Variants in SERINC5 observed in about 807,000 individuals in gnomAD.
SERINC5 encodes serine incorporator 5, also known as chromosome 5 open reading frame 12.
In SERINC5, 41 loss-of-function variants were observed where a neutral mutation model predicts 63.1. The ratio of observed to expected loss-of-function variants is 0.65; its 90% CI spans 0.51 to 0.84. SERINC5 has a LOEUF of 0.84. Among genes scored for constraint, SERINC5 ranks in the 40% least tolerant of loss-of-function variants. The pLI is 0.00. For synonymous variants in SERINC5, 222 were observed against 215.2 expected (o/e 1.03, Z -0.28); for missense variants, 523 against 573.0 (o/e 0.91, Z 0.89).
chr5:80,249,181 GAT>G (rs1752289156), intron 1 of SERINC5, among the ~76,000 whole-genome samples: 1 of 152,158 alleles, frequency 6.6e-6, no homozygotes, highest in Non-Finnish European at 1.5e-5. Flanking sequence ...CGGGCGTGGT[GAT>G]GGGTGCCTGT....
At position 80,140,004 on chromosome 5, in the gene SERINC5, G is replaced by C. The variant is rs1471297948; in HGVS notation, c.*3659C>G. ...CGCAGGAAGGTGAAGCACCAATGAT[G>C]GCAAAAATTAAATAAATACATCATC... On this transcript the variant is annotated 3_prime_UTR_variant, in exon 12 of 12. Coordinates refer to ENST00000507668, the MANE Select transcript of SERINC5 (RefSeq NM_001174072.3). 1.0e-6 allele frequency: 1 copy of C among 985,156 alleles called. No homozygotes were observed. The highest frequency in any genetic ancestry group is 1.2e-6 in the Non-Finnish European group (1 of 829,924). 61.0% of individuals were successfully genotyped at this position (985,156 alleles called of 1,614,324 possible).
At chr5:80,241,075 C>G (rs928529085) in intron 1 of SERINC5, among the ~76,000 whole-genome samples, 1 of 152,174 alleles carries the variant, frequency 6.6e-6, no homozygotes, top group Non-Finnish European at 1.5e-5. Flanking sequence ...GTAAATTGAT[C>G]TGCCTACCTA....
intron 2 of SERINC5, among the ~76,000 whole-genome samples, chr5:80,188,437 A>C (rs114863914): frequency 6.6e-6 from 1 of 152,274 alleles, no homozygotes; most frequent in Admixed American, 6.5e-5. Context: ...TCAATGCCTC[A>C]ATTCTAACTT....
chr5:80,162,433 G>C lies in SERINC5; in HGVS notation c.860-3471C>G, dbSNP rs186327012. 9.3e-4 allele frequency among the ~76,000 whole-genome samples: 141 copies of C among 152,184 alleles called. 1 individual carries two copies. The Middle Eastern group carries it at 0.01, about 11-fold the overall frequency. Reference sequence around the variant, plus strand: ...CTTTCACCCAGTCTGGAGTACAGTGGCCTGATCATAGCTCACCATAACCTC... The same window carrying C: ...CTTTCACCCAGTCTGGAGTACAGTGCCCTGATCATAGCTCACCATAACCTC... On this transcript the variant is annotated intron_variant, in intron 7 of 11. Coordinates refer to ENST00000507668, the MANE Select transcript of SERINC5 (RefSeq NM_001174072.3).
rs888116478 is a variant in SERINC5 at position 80,138,731 on chromosome 5, A to T, written c.*4932T>A. 36 of 773,766 alleles carry T rather than the reference A, an allele frequency of 4.7e-5. No individual in the cohort carries two copies. The highest frequency in any genetic ancestry group is 5.5e-5 in the Non-Finnish European group (35 of 636,918). 47.9% of individuals were successfully genotyped at this position (773,766 alleles called of 1,614,324 possible). ...TACATATTTCAAAACATCATGTTGC[A>T]CACCACAGATATATATCTTTTATTT... On this transcript the variant is annotated 3_prime_UTR_variant, in exon 12 of 12. Coordinates refer to ENST00000507668, the MANE Select transcript of SERINC5 (RefSeq NM_001174072.3).
intron 1 of SERINC5, among the ~76,000 whole-genome samples, chr5:80,219,026 T>C (rs1258051394): frequency 6.6e-6 from 1 of 152,216 alleles, no homozygotes; most frequent in Non-Finnish European, 1.5e-5. Flanking sequence ...TAAAAGATGA[T>C]TATTTCAAGT....
chr5:80,142,029 G>A lies in SERINC5; in HGVS notation c.*1634C>T, dbSNP rs71636204. Reference sequence around the variant, plus strand: ...TTTTGGCACACAGAAGCCCAGCTTAGGTGGCACTCAATTCTGCCCAACTCA... The same window carrying A: ...TTTTGGCACACAGAAGCCCAGCTTAAGTGGCACTCAATTCTGCCCAACTCA... On this transcript the variant is annotated 3_prime_UTR_variant, in exon 12 of 12. Coordinates refer to ENST00000507668, the MANE Select transcript of SERINC5 (RefSeq NM_001174072.3). The A allele has an allele frequency of 1.2e-4, 118 of 985,288 alleles. No homozygotes were observed. Among genetic ancestry groups the A allele is most frequent in the Non-Finnish European group, 1.4e-4 (115 of 829,940 alleles). 61.0% of individuals were successfully genotyped at this position (985,288 alleles called of 1,614,324 possible). A position where few individuals can be genotyped will look rare whatever the true frequency, so the allele number is the denominator to read the frequency against.
chr5:80,181,159 C>G (rs916145456), intron 2 of SERINC5, among the ~76,000 whole-genome samples: 3 of 152,118 alleles, frequency 2.0e-5, no homozygotes, highest in Non-Finnish European at 4.4e-5. Context: ...GACTGTCTCT[C>G]CAGTCTTAAG....
intron 7 of SERINC5, among the ~76,000 whole-genome samples, chr5:80,161,860 A>C (rs760789246): frequency 5.3e-5 from 8 of 151,862 alleles, no homozygotes; most frequent in Non-Finnish European, 5.9e-5. Context: ...TCTTTAATCC[A>C]CCTTTTGTTG....
intron 8 of SERINC5, among the ~76,000 whole-genome samples, chr5:80,153,155 A>T (rs1199408973): frequency 6.6e-6 from 1 of 152,024 alleles, no homozygotes; most frequent in East Asian, 1.9e-4. Context: ...ATGTTACCCT[A>T]CATTAAGATC....
intron 11 of SERINC5, among the ~76,000 whole-genome samples, chr5:80,128,607 C>A (rs1223047709): frequency 1.3e-5 from 2 of 152,142 alleles, no homozygotes; most frequent in Non-Finnish European, 2.9e-5. Context: ...GAGGGGAGAT[C>A]TGGCAGTTTC....
At chr5:80,159,674 C>T (rs530640401) in intron 7 of SERINC5, among the ~76,000 whole-genome samples, 1 of 152,180 alleles carries the variant, frequency 6.6e-6, no homozygotes, top group South Asian at 2.1e-4. Flanking sequence ...TCTCCAAACT[C>T]CAGGAATGGG....
chr5:80,251,332 A>G (rs1439938339), intron 1 of SERINC5, among the ~76,000 whole-genome samples: 1 of 139,046 alleles, frequency 7.2e-6, no homozygotes, highest in Non-Finnish European at 1.6e-5. Flanking sequence ...ACATACATAC[A>G]TACATGGGTT....
chr5:80,151,224 C>T (rs1746161585), intron 8 of SERINC5, among the ~76,000 whole-genome samples: 1 of 152,160 alleles, frequency 6.6e-6, no homozygotes. Context: ...TTCAGTATTG[C>T]TTTTTGCCTC....
At chr5:80,151,763 G>A (rs1055610119) in intron 8 of SERINC5, among the ~76,000 whole-genome samples, 5 of 152,178 alleles carry the variant, frequency 3.3e-5, no homozygotes, top group East Asian at 1.9e-4. Flanking sequence ...TGTCAGGCCC[G>A]ATTCTAAGCA....
intron 4 of SERINC5, among the ~76,000 whole-genome samples, chr5:80,175,885 AG>A (rs199743299): frequency 0.14 from 11,184 of 80,464 alleles, 1,321 homozygotes; most frequent in South Asian, 0.18. Context: ...AAAAAAAAAA[AG>A]GACTGAGCTT....
intron 7 of SERINC5, among the ~76,000 whole-genome samples, chr5:80,160,687 T>TCCATCC (rs1050482146): frequency 6.6e-6 from 1 of 152,064 alleles, no homozygotes; most frequent in African/African-American, 2.4e-5. Context: ...TTTCTCACCA[T>TCCATCC]CCATCCCCTC....
intron 2 of SERINC5, among the ~76,000 whole-genome samples, chr5:80,186,495 T>C (rs1186176932): frequency 1.3e-5 from 2 of 152,076 alleles, no homozygotes; most frequent in Non-Finnish European, 1.5e-5. Context: ...GTCCAAAAAA[T>C]AGCACTCACT....
In SERINC5 at chr5:80,139,035, A is replaced by T; in HGVS notation, c.*4628T>A. On this transcript the variant is annotated 3_prime_UTR_variant, in exon 12 of 12. Coordinates refer to ENST00000507668, the MANE Select transcript of SERINC5 (RefSeq NM_001174072.3). ...AATCCATGACTAAAGGGGGAAAATA[A>T]CTTTCAAAAGTTACCAAAATTCGAA... 1 of 983,314 alleles carries T rather than the reference A, an allele frequency of 1.0e-6. No homozygotes were observed. Among genetic ancestry groups the T allele is most frequent in the Non-Finnish European group, 1.2e-6 (1 of 827,992 alleles). 60.9% of individuals were successfully genotyped at this position (983,314 alleles called of 1,614,324 possible). A position where few individuals can be genotyped will look rare whatever the true frequency, so the allele number is the denominator to read the frequency against.
Sources: gnomAD v4.1 joint callset for allele counts (sites outside exome capture counted in the v4.1 genomes callset) on GRCh38, gnomAD v4.1.1 for gene constraint, MANE v1.5 for transcripts, NCBI Gene and HGNC (gene_info 2026-07-23, HGNC 2026-07-21) for gene names.